Variants in USP6NL observed in about 807,000 individuals in gnomAD.
USP6NL encodes the protein USP6 N-terminal-like protein.
USP6NL carries 26 observed loss-of-function variants against 61.9 expected under a neutral mutation model. The ratio of observed to expected loss-of-function variants is 0.42; its 90% confidence interval spans 0.31 to 0.58. The LOEUF (loss-of-function observed/expected upper bound fraction) is 0.58. Ranked by LOEUF, USP6NL falls within the 20% of genes least tolerant of loss-of-function variation. USP6NL has a pLI of 0.16. For synonymous variants in USP6NL, 432 were observed against 390.1 expected, an observed-to-expected ratio of 1.11 and a Z score of -1.27; for missense variants, 1,114 against 1,034.3, an observed-to-expected ratio of 1.08 and a Z score of -1.06.
rs1372371138 is a variant in USP6NL at position 11,471,000 on chromosome 10, A to T, written c.1079-7151T>A. Among the ~76,000 whole-genome samples, 2 of 152,196 alleles carry T rather than the reference A, an allele frequency of 1.3e-5. No individual in the cohort carries two copies. Among genetic ancestry groups the T allele is most frequent in the Non-Finnish European group, 2.9e-5 (2 of 68,030 alleles). On this transcript the variant is annotated intron_variant, in intron 14 of 14. Coordinates refer to ENST00000609104, the MANE Select transcript of USP6NL (RefSeq NM_014688.5). The surrounding 1 kb of genome is among the most constrained non-coding windows in gnomAD (Gnocchi z 5.4). Reference sequence around the variant, plus strand: ...GGAGATGGAGACCATCCCGGCCAACATGGTGAAACCCAGTCTCTACTAAAA... The same window carrying T: ...GGAGATGGAGACCATCCCGGCCAACTTGGTGAAACCCAGTCTCTACTAAAA...
intron 2 of USP6NL, among the ~76,000 whole-genome samples, chr10:11,555,262 A>G (rs1836648213): frequency 1.3e-5 from 2 of 148,392 alleles, no homozygotes; most frequent in Non-Finnish European, 3.0e-5. Context: ...CTAAAGTACA[A>G]AAATTAGCCA....
In USP6NL at chr10:11,520,428, A is replaced by T. The variant is rs1452543851; in HGVS notation, c.156-1854T>A. ...AAGTCTCTGTGCCGGCATATGCTTA[A>T]ATTTCACACCCTTCCGAGGATGACA... On this transcript the variant is annotated intron_variant, in intron 4 of 14. Transcript: ENST00000609104. This position sits in a 1 kb window ranked among gnomAD's most constrained non-coding sequence, Gnocchi z 5.2. Among the ~76,000 whole-genome samples the T allele has an allele frequency of 6.6e-6, 1 of 152,172 alleles. No homozygotes were observed. The highest frequency in any genetic ancestry group is 1.5e-5 in the Non-Finnish European group (1 of 68,020).
chr10:11,541,963 G>A (rs1474163603), intron 2 of USP6NL, among the ~76,000 whole-genome samples: 1 of 152,106 alleles, frequency 6.6e-6, no homozygotes, highest in East Asian at 1.9e-4. Flanking sequence ...CTTGCTCCTC[G>A]GTATTCTTAT....
In USP6NL at chr10:11,493,081, A is replaced by T. The variant is rs776752414; in HGVS notation, c.494+38T>A. 9.9e-6 allele frequency: 15 copies of T among 1,512,714 alleles called. No individual in the cohort carries two copies. In the South Asian group the frequency reaches 1.7e-4, roughly 17 times the overall value. The allele number at this position is 1,512,714 out of a possible 1,614,324, so 93.7% of individuals were successfully genotyped here. ...TTTAAGTTAATAAAGACTATTTATA[A>T]ATGCGATTAACATTTCATAATATTA... On this transcript the variant is annotated intron_variant, in intron 8 of 14. Coordinates refer to ENST00000609104, the MANE Select transcript of USP6NL (RefSeq NM_014688.5).
At chr10:11,601,623 A>C (rs1838534156) in intron 1 of USP6NL, among the ~76,000 whole-genome samples, 1 of 152,248 alleles carries the variant, frequency 6.6e-6, no homozygotes, top group Non-Finnish European at 1.5e-5. Flanking sequence ...ACATTAATAT[A>C]TGTAACCACA....
At chr10:11,503,242 G>A (rs1306755599) in intron 6 of USP6NL, among the ~76,000 whole-genome samples, 3 of 152,080 alleles carry the variant, frequency 2.0e-5, no homozygotes, top group South Asian at 2.1e-4. Context: ...CAGTGGACCC[G>A]AACAAGTAAA....
Position 11,547,542 on chromosome 10 carries a change from CT to C in USP6NL, c.5-19976del, listed in dbSNP as rs11409797. The stretch of plus-strand genomic sequence containing the variant: ...ATCAAGCTCATAAAGCATTTTAAAA[CT>C]TTTTTTTTTTTTTTTTGAGACAGTC... On this transcript the variant is annotated intron_variant, in intron 2 of 14. Coordinates refer to ENST00000609104, the MANE Select transcript of USP6NL (RefSeq NM_014688.5). Among the ~76,000 whole-genome samples, 739 of 137,868 alleles carry C rather than the reference CT, an allele frequency of 5.4e-3. 3 individuals are homozygous for C. The highest frequency in any genetic ancestry group is 0.018 in the Middle Eastern group (5 of 272). The allele number at this position is 137,868 out of a possible 152,430, so 90.4% of individuals were successfully genotyped here.
rs556882944 is a variant in USP6NL at position 11,542,810 on chromosome 10, C to A, written c.5-15243G>T. On this transcript the variant is annotated intron_variant, in intron 2 of 14. Transcript: ENST00000609104. Reference sequence around the variant, plus strand: ...CAATGTTACAATAAAAAGTCAGAGACCCCCAGCAACAGGAATGGCTATTTG... The same window carrying A: ...CAATGTTACAATAAAAAGTCAGAGAACCCCAGCAACAGGAATGGCTATTTG... 2.6e-5 allele frequency among the ~76,000 whole-genome samples: 4 copies of A among 152,236 alleles called. No individual in the cohort carries two copies. In the South Asian group the frequency reaches 8.3e-4, roughly 32 times the overall value.
intron 14 of USP6NL, among the ~76,000 whole-genome samples, chr10:11,466,497 C>T (rs1431148549): frequency 1.3e-5 from 2 of 152,174 alleles, no homozygotes; most frequent in East Asian, 3.8e-4. Flanking sequence ...TCAGAATTCT[C>T]ATCCATAAAT....
chr10:11,607,069 G>C (rs1164826451), intron 1 of USP6NL, among the ~76,000 whole-genome samples: 1 of 152,186 alleles, frequency 6.6e-6, no homozygotes, highest in African/African-American at 2.4e-5. Context: ...GCTTATAGGA[G>C]TGAGCTATCA....
intron 2 of USP6NL, among the ~76,000 whole-genome samples, chr10:11,593,734 A>T (rs1163828272): frequency 6.6e-6 from 1 of 152,200 alleles, no homozygotes; most frequent in Non-Finnish European, 1.5e-5. Context: ...AACATTATAA[A>T]GCTTCTAGAT....
Position 11,602,599 on chromosome 10 carries a change from T to C in USP6NL, c.-83-4882A>G, listed in dbSNP as rs898674349. ...TCATTGAGATTCACGGTTCATTAGT[T>C]CAAATATATGTCAGGGCAGACTCCC... On this transcript the variant is annotated intron_variant, in intron 1 of 14. Coordinates refer to ENST00000609104, the MANE Select transcript of USP6NL (RefSeq NM_014688.5). This position sits in a 1 kb window ranked among gnomAD's most constrained non-coding sequence, Gnocchi z 4.8. Among the ~76,000 whole-genome samples the C allele has an allele frequency of 1.3e-5, 2 of 152,128 alleles. No homozygotes were observed. Among genetic ancestry groups the C allele is most frequent in the Non-Finnish European group, 2.9e-5 (2 of 68,016 alleles).
chr10:11,579,810 A>G (rs1361592668), intron 2 of USP6NL, among the ~76,000 whole-genome samples: 1 of 151,912 alleles, frequency 6.6e-6, no homozygotes, highest in Non-Finnish European at 1.5e-5. Context: ...TAAAAGCTAG[A>G]TAGTAAATGT....
rs1835379441 is a variant in USP6NL, at chr10:11,525,503, GT to G, written c.73-36del. ...GGCACAAAAAAAGGTGTTAATCAGA[GT>G]TTATAAAACTGAATAATTTTTTAAA... On this transcript the variant is annotated intron_variant, in intron 3 of 14. Transcript: ENST00000609104. This position sits in a 1 kb window ranked among gnomAD's most constrained non-coding sequence, Gnocchi z 5.0. The G allele has an allele frequency of 1.3e-6, 2 of 1,512,816 alleles. No homozygotes were observed. Among genetic ancestry groups the G allele is most frequent in the East Asian group, 2.4e-5 (1 of 41,130 alleles). The allele number at this position is 1,512,816 out of a possible 1,614,324, so 93.7% of individuals were successfully genotyped here. A position where few individuals can be genotyped will look rare whatever the true frequency, so the allele number is the denominator to read the frequency against.
intron 5 of USP6NL, among the ~76,000 whole-genome samples, chr10:11,509,968 A>T (rs1834630004): frequency 6.6e-6 from 1 of 152,224 alleles, no homozygotes; most frequent in South Asian, 2.1e-4. Flanking sequence ...ACAAAATTTT[A>T]AAAAATATTT....
chr10:11,584,232 T>C (rs1028309500), intron 2 of USP6NL, among the ~76,000 whole-genome samples: 3 of 152,122 alleles, frequency 2.0e-5, no homozygotes, highest in Non-Finnish European at 4.4e-5. Flanking sequence ...AGCATTTAGC[T>C]CTGTGTGTAT....
rs375781472 is a variant in USP6NL, at chr10:11,462,432, C to G, written c.*9G>C. ...TTCTCTCTCGTCTTTAGCAAGTACA[C>G]GTCAAATCTCACAGCAACACTGACT... On this transcript the variant is annotated 3_prime_UTR_variant, in exon 15 of 15. Transcript: ENST00000609104. 5 of 1,610,244 alleles carry G rather than the reference C, an allele frequency of 3.1e-6. No individual in the cohort carries two copies. The highest frequency in any genetic ancestry group is 4.2e-6 in the Non-Finnish European group (5 of 1,178,218).
chr10:11,584,931 C>T (rs1837913451), intron 2 of USP6NL, among the ~76,000 whole-genome samples: 1 of 152,004 alleles, frequency 6.6e-6, no homozygotes, highest in African/African-American at 2.4e-5. Context: ...GAGCAAGACC[C>T]CTGTCTCAAA....
chr10:11,481,579 T>C lies in USP6NL; in HGVS notation c.1078+191A>G, dbSNP rs1418325403. ...CATCTATTAGGAGAGGCAGATTTAA[T>C]TAATATGTTTATTTGCCTTTCCCTA... is the stretch of plus-strand genomic sequence containing the variant. On this transcript the variant is annotated intron_variant, in intron 14 of 14. Coordinates refer to ENST00000609104, the MANE Select transcript of USP6NL (RefSeq NM_014688.5). This position sits in a 1 kb window ranked among gnomAD's most constrained non-coding sequence, Gnocchi z 4.4. Among the ~76,000 whole-genome samples the C allele has an allele frequency of 6.6e-6, 1 of 152,180 alleles. No homozygotes were observed. The highest frequency in any genetic ancestry group is 2.4e-5 in the African/African-American group (1 of 41,436).
Sources: gnomAD v4.1 joint callset for allele counts (sites outside exome capture counted in the v4.1 genomes callset) on GRCh38, gnomAD v4.1.1 for gene constraint, Gnocchi (gnomAD v3.1) non-coding constraint, MANE v1.5 for transcripts, NCBI Gene and HGNC (gene_info 2026-07-23, HGNC 2026-07-21) for gene names.